Variants in MCM10 observed in about 807,000 individuals in gnomAD.
The protein encoded by MCM10 is minichromosome maintenance 10 replication initiation factor, also known as protein MCM10 homolog.
In MCM10, 91 loss-of-function variants were observed where a neutral mutation model predicts 109.9. The observed-to-expected ratio is 0.83, with a 90% CI of 0.70 to 0.99. The LOEUF (loss-of-function observed/expected upper bound fraction) is 0.99, where lower values mean the gene tolerates loss of function less well. MCM10 is among the 50% of genes least tolerant of loss of function. The pLI, the probability that MCM10 is intolerant of heterozygous loss-of-function variation, is 0.00. For missense variants in MCM10, 1,077 were observed against 1,061.2 expected (o/e 1.01, Z -0.21); for synonymous variants, 380 against 387.2 (o/e 0.98, Z 0.22).
At chr10:13,163,750 C>A (rs532079051) in intron 1 of MCM10, among the ~76,000 whole-genome samples, 1 of 152,238 alleles carries the variant, frequency 6.6e-6, no homozygotes, top group African/African-American at 2.4e-5. Flanking sequence ...AGGCTGGTCT[C>A]AAACTTCTGG....
chr10:13,201,593 G>A (rs1446560064), intron 17 of MCM10, 59 bp downstream of exon 17: 50 of 1,229,378 alleles, frequency 4.1e-5, no homozygotes, highest in Non-Finnish European at 5.0e-5. Context: ...TTTGTGACTC[G>A]GCAGCATGTG....
At chr10:13,203,403 G>A (rs1442337306) in intron 17 of MCM10, among the ~76,000 whole-genome samples, 1 of 152,170 alleles carries the variant, frequency 6.6e-6, no homozygotes, top group Admixed American at 6.5e-5. Context: ...GGCCCACCCA[G>A]ATCATCTAGG....
intron 2 of MCM10, among the ~76,000 whole-genome samples, chr10:13,169,549 G>T (rs61851444): frequency 0.17 from 26,119 of 152,054 alleles, 2,778 homozygotes; most frequent in Non-Finnish European, 0.23. Context: ...ACACATGTGC[G>T]AGAAGACGGA....
Position 13,180,607 on chromosome 10 carries a change from T to C in MCM10, c.930T>C (p.Ser310=). ...AGGTTACGCCACAGAGTGTGAATAG[T>C]GTAAGCCATTGTATTGGTTTCTTAG... ...LKKVTPQSVN[S]GKTFSIWKLN... is the part of the protein sequence containing the mutation. Residue 310 remains serine, a splice_region_variant and synonymous_variant, in exon 7 of 20, where the codon AGT becomes AGC. Coordinates refer to ENST00000378714, the MANE Select transcript of MCM10 (RefSeq NM_018518.5). 2 of 1,613,948 alleles carry C rather than the reference T, an allele frequency of 1.2e-6. No individual in the cohort carries two copies. Among genetic ancestry groups the C allele is most frequent in the South Asian group, 1.1e-5 (1 of 91,024 alleles).
At chr10:13,189,324 C>CTT (rs997350838) in intron 10 of MCM10, among the ~76,000 whole-genome samples, 12 of 143,036 alleles carry the variant, frequency 8.4e-5, no homozygotes, top group Non-Finnish European at 6.2e-5. Flanking sequence ...TCCTCTTCAA[C>CTT]TTTTTTTTTT....
rs374101385 is a variant in MCM10, at chr10:13,191,387, C to G, written c.1504C>G (p.Arg502Gly). Reference sequence around the variant, plus strand: ...CACAAACTTGATCATCCAGGAAACACGGCAAAAACTCGGTAACTTTGTTTT... The same window carrying G: ...CACAAACTTGATCATCCAGGAAACAGGGCAAAAACTCGGTAACTTTGTTTT... ...KGTNLIIQET[R>G]QKLGIPQKSL... The change falls in exon 11 of 20, where the codon CGG becomes GGG. Residue 502 changes from arginine (R) to glycine (G), a missense_variant. Physicochemically the swap from Arg to Gly is moderately radical, Grantham distance 125. Coordinates refer to ENST00000378714, the MANE Select transcript of MCM10 (RefSeq NM_018518.5). The G allele has an allele frequency of 1.2e-6, 2 of 1,613,638 alleles. No individual in the cohort carries two copies. The highest frequency in any genetic ancestry group is 1.7e-6 in the Non-Finnish European group (2 of 1,179,646).
At chr10:13,208,222 C>T (rs992803073) in intron 18 of MCM10, among the ~76,000 whole-genome samples, 13 of 150,536 alleles carry the variant, frequency 8.6e-5, no homozygotes, top group African/African-American at 2.9e-4. Flanking sequence ...CCCATCTCTA[C>T]AGAAATTTAA....
Position 13,200,299 on chromosome 10 carries a change from G to A in MCM10, c.2239-1122G>A, listed in dbSNP as rs180795552. Among the ~76,000 whole-genome samples the A allele has an allele frequency of 4.7e-4, 72 of 152,294 alleles. 1 individual carries two copies. The East Asian group carries it at 8.9e-3, about 19-fold the overall frequency. ...TCATAGAGCACACAGAAGCCAGGCA[G>A]GATGAGAAGCAATCCTTGGTTGTGT... is the stretch of plus-strand genomic sequence containing the variant. On this transcript the variant is annotated intron_variant, in intron 16 of 19. Transcript: ENST00000378714.
rs184390103 is a variant in MCM10, at chr10:13,186,106, G to A, written c.1099-58G>A. On this transcript the variant is annotated intron_variant, in intron 8 of 19. Transcript: ENST00000378714. ...ACCAACCATTCTTTTTTCTATTCCT[G>A]CTAATAAAAGGCCATAATTTTGTCC... 3.0e-4 allele frequency: 276 copies of A among 929,296 alleles called. No individual in the cohort carries two copies. The Middle Eastern group carries it at 3.5e-3, about 12-fold the overall frequency. The allele number at this position is 929,296 out of a possible 1,614,324, so 57.6% of individuals were successfully genotyped here.
intron 6 of MCM10, among the ~76,000 whole-genome samples, chr10:13,178,650 C>T (rs1347200700): frequency 6.6e-6 from 1 of 152,148 alleles, no homozygotes; most frequent in Non-Finnish European, 1.5e-5. Context: ...CTGATTCCTC[C>T]AGTTTTGTTC....
In MCM10 at chr10:13,198,700, T is replaced by C. The variant is rs767247093; in HGVS notation, c.2131T>C (p.Leu711=). Residue 711 remains leucine (L), a synonymous_variant, in exon 16 of 20, where the codon TTG becomes CTG. Coordinates refer to ENST00000378714, the MANE Select transcript of MCM10 (RefSeq NM_018518.5). ...TCCTTGTGCCCTAGCTGAGGATGAA[T>C]TGGAGCCTGCCAGGAAAAAAAGGAG... ...TMFSSQAEDE[L]EPARKKRREQ... 5.0e-6 allele frequency: 8 copies of C among 1,612,454 alleles called. No homozygotes were observed. Among genetic ancestry groups the C allele is most frequent in the Non-Finnish European group, 6.8e-6 (8 of 1,178,738 alleles).
In MCM10 at chr10:13,172,580, T is replaced by G. The variant is rs1834088551; in HGVS notation, c.455-48T>G. The stretch of plus-strand genomic sequence containing the variant: ...TCCTGTCCAAACAGCCCTTTGAACC[T>G]CTTTCTGAATGGGTTTTTACTCACT... On this transcript the variant is annotated intron_variant, in intron 4 of 19. Coordinates refer to ENST00000378714, the MANE Select transcript of MCM10 (RefSeq NM_018518.5). This position sits in a 1 kb window ranked among gnomAD's most constrained non-coding sequence, Gnocchi z 5.2. 1 of 1,610,608 alleles carries G rather than the reference T, an allele frequency of 6.2e-7. No individual in the cohort carries two copies. Among genetic ancestry groups the G allele is most frequent in the African/African-American group, 1.3e-5 (1 of 74,730 alleles).
intron 7 of MCM10, among the ~76,000 whole-genome samples, chr10:13,181,203 T>C (rs1465797285): frequency 6.6e-6 from 1 of 152,242 alleles, no homozygotes; most frequent in East Asian, 1.9e-4. Context: ...AATCTTTCTT[T>C]ACCGGCTTCC....
intron 18 of MCM10, among the ~76,000 whole-genome samples, chr10:13,204,703 G>T (rs1465632395): frequency 6.6e-6 from 1 of 152,062 alleles, no homozygotes; most frequent in Non-Finnish European, 1.5e-5. Flanking sequence ...TCTCTCCAAA[G>T]AGTTATTTGA....
Position 13,209,368 on chromosome 10 carries a change from A to G in MCM10, c.*58A>G, listed in dbSNP as rs1588483331. 2.2e-6 allele frequency: 3 copies of G among 1,335,650 alleles called. No homozygotes were observed. Among genetic ancestry groups the G allele is most frequent in the East Asian group, 4.6e-5 (2 of 43,286 alleles). The allele number at this position is 1,335,650 out of a possible 1,614,324, so 82.7% of individuals were successfully genotyped here. ...TGGCCTCCTGTGACTCTGGAAAGCAAAGGATTGGCTGTGTATTGTCCATTG... is the reference window on the plus strand; with the variant it reads ...TGGCCTCCTGTGACTCTGGAAAGCAGAGGATTGGCTGTGTATTGTCCATTG... On this transcript the variant is annotated 3_prime_UTR_variant, in exon 20 of 20. Transcript: ENST00000378714.
intron 2 of MCM10, among the ~76,000 whole-genome samples, chr10:13,164,772 T>C (rs1833972541): frequency 6.6e-6 from 1 of 152,188 alleles, no homozygotes; most frequent in Non-Finnish European, 1.5e-5. Context: ...AAAATGATTG[T>C]GCTGGGCTGG....
At chr10:13,187,950 G>A (rs577129451) in intron 9 of MCM10, among the ~76,000 whole-genome samples, 13 of 152,126 alleles carry the variant, frequency 8.5e-5, no homozygotes, top group African/African-American at 3.1e-4. Flanking sequence ...TTCAAGACCA[G>A]CCTGGCCAAC....
intron 6 of MCM10, among the ~76,000 whole-genome samples, chr10:13,179,763 A>C (rs184743363): frequency 4.9e-4 from 75 of 152,304 alleles, no homozygotes; most frequent in African/African-American, 1.7e-3. Flanking sequence ...GAACCTGTGA[A>C]ATTCTTGCAT....
chr10:13,170,790 A>G, intron 2 of MCM10, 132 bp from the exon 3 acceptor site: 1 of 679,134 alleles, frequency 1.5e-6, no homozygotes, highest in South Asian at 2.0e-5. Flanking sequence ...GGTTGAACCC[A>G]TCACCCAGGT....
Sources: gnomAD v4.1 joint callset for allele counts (sites outside exome capture counted in the v4.1 genomes callset) on GRCh38, gnomAD v4.1.1 for gene constraint, Gnocchi (gnomAD v3.1) non-coding constraint, MANE v1.5 for transcripts, NCBI Gene and HGNC (gene_info 2026-07-23, HGNC 2026-07-21) for gene names.